Variants in ERBB2 observed in about 807,000 individuals in gnomAD.
ERBB2 encodes the protein receptor tyrosine-protein kinase erbB-2.
ERBB2 carries 61 observed loss-of-function variants against 149.0 expected under a neutral mutation model. That is an observed-to-expected ratio of 0.41 (90% CI 0.33 to 0.51). The LOEUF (loss-of-function observed/expected upper bound fraction) is 0.51. Ranked by LOEUF, ERBB2 falls within the 20% of genes least tolerant of loss-of-function variation. The pLI is 0.25. For synonymous variants in ERBB2, 633 were observed against 678.8 expected, an observed-to-expected ratio of 0.93 and a Z score of 1.05; for missense variants, 1,205 against 1,655.1, an observed-to-expected ratio of 0.73 and a Z score of 4.72.
intron 9 of ERBB2, 95 bp downstream of exon 9, chr17:39,712,543 G>C: frequency 7.0e-7 from 1 of 1,428,184 alleles, no homozygotes; most frequent in Non-Finnish European, 9.6e-7. Flanking sequence ...GCAGGAGACA[G>C]AAGTGGGGGG....
At chr17:39,717,794 C>CACACACACACACACACAA (rs572188512) in intron 15 of ERBB2, 184 of 160,976 alleles carry the variant, frequency 1.1e-3, no homozygotes, top group African/African-American at 4.4e-3. Context: ...CATTTTAACA[C>CACACACACACACACACAA]ACACACACAC....
intron 16 of ERBB2, among the ~76,000 whole-genome samples, chr17:39,721,923 TATTA>T (rs1168249811): frequency 1.3e-5 from 2 of 152,168 alleles, no homozygotes; most frequent in East Asian, 3.9e-4. Context: ...TTTATTTATT[TATTA>T]TTTATTTTGA....
In ERBB2 at chr17:39,727,467, G is replaced by A. The variant is rs763276772; in HGVS notation, c.3332G>A (p.Arg1111Gln). 2.8e-5 allele frequency: 45 copies of A among 1,608,594 alleles called. No homozygotes were observed. Among genetic ancestry groups the A allele is most frequent in the African/African-American group, 5.4e-5 (4 of 74,564 alleles). Residue 1111 changes from arginine to glutamine, a missense_variant, in exon 26 of 27, where the codon CGG (arginine) becomes CAG (glutamine). Arg to Gln is a conservative substitution (Grantham distance 43). Transcript: ENST00000269571. The surrounding 1 kb of genome is among the most constrained non-coding windows in gnomAD (Gnocchi z 4.3). ...LPTHDPSPLQ[R>Q]YSEDPTVPLP... Reference sequence around the variant, plus strand: ...ACACATGACCCCAGCCCTCTACAGCGGTACAGTGAGGACCCCACAGTACCC... The same window carrying A: ...ACACATGACCCCAGCCCTCTACAGCAGTACAGTGAGGACCCCACAGTACCC...
chr17:39,691,279 C>T (rs182525806), upstream of ERBB2, among the ~76,000 whole-genome samples: 50 of 152,002 alleles, frequency 3.3e-4, no homozygotes, highest in Non-Finnish European at 6.5e-4. Context: ...TGCGGTGGCT[C>T]ACATCTGTAA....
chr17:39,723,786 G>A lies in ERBB2; in HGVS notation c.2208+126G>A, dbSNP rs1036527630. 15 of 1,498,206 alleles carry A rather than the reference G, an allele frequency of 1.0e-5. No homozygotes were observed. In the East Asian group the frequency reaches 3.1e-4, roughly 31 times the overall value. 92.8% of individuals were successfully genotyped at this position (1,498,206 alleles called of 1,614,324 possible). ...GTGTTTGGGGGAGGGCAGTTACAGC[G>A]GAGAAGGGAGCGGGGCCAAGCCCTA... On this transcript the variant is annotated intron_variant, in intron 18 of 26. Transcript: ENST00000269571. This position sits in a 1 kb window ranked among gnomAD's most constrained non-coding sequence, Gnocchi z 6.2.
intron 2 of ERBB2, chr17:39,707,670 G>A (rs1239465949): frequency 6.5e-6 from 1 of 153,186 alleles, no homozygotes; most frequent in Non-Finnish European, 1.5e-5. Context: ...CGTGTCCACA[G>A]ACCCTGGAAT....
intron 16 of ERBB2, among the ~76,000 whole-genome samples, chr17:39,721,323 T>C (rs1023071634): frequency 6.9e-6 from 1 of 145,046 alleles, no homozygotes; most frequent in Non-Finnish European, 1.5e-5. Context: ...TGGAGTGCAA[T>C]GACACGATCT....
upstream of ERBB2, among the ~76,000 whole-genome samples, chr17:39,694,216 AAAAAAAAAAAATATATATATAT>A (rs2057782336): frequency 2.0e-5 from 1 of 50,242 alleles, no homozygotes; most frequent in Non-Finnish European, 3.3e-5. Context: ...AAAAAAAAAA[AAAAAAAAAAAATATATATATAT>A]ATATATATAT....
At chr17:39,701,275 C>T (rs1347720298) in intron 1 of ERBB2, among the ~76,000 whole-genome samples, 1 of 152,112 alleles carries the variant, frequency 6.6e-6, no homozygotes, top group Non-Finnish European at 1.5e-5. Context: ...TGCATGCATT[C>T]TCCTTTAATC....
chr17:39,709,990 C>G, intron 5 of ERBB2, 96 bp from the exon 6 acceptor site: 1 of 1,495,162 alleles, frequency 6.7e-7, no homozygotes, highest in Non-Finnish European at 9.3e-7. Context: ...CTTGGGATGT[C>G]TCCCCTGGGC....
At chr17:39,717,532 T>A in intron 15 of ERBB2, 52 bp downstream of exon 15, 1 of 1,502,542 alleles carries the variant, frequency 6.7e-7, no homozygotes. Context: ...TTCAGGGGTC[T>A]TTCTGGGGCT....
In ERBB2 at chr17:39,728,185, C is replaced by T; in HGVS notation, c.*141C>T. 1.7e-6 allele frequency: 1 copy of T among 604,290 alleles called. No individual in the cohort carries two copies. Among genetic ancestry groups the T allele is most frequent in the Non-Finnish European group, 2.8e-6 (1 of 351,412 alleles). The allele number at this position is 604,290 out of a possible 1,614,324, so 37.4% of individuals were successfully genotyped here. A position where few individuals can be genotyped will look rare whatever the true frequency, so the allele number is the denominator to read the frequency against. ...CATGCCAGGAACCTGTCCTAAGGAA[C>T]CTTCCTTCCTGCTTGAGTTCCCAGA... On this transcript the variant is annotated 3_prime_UTR_variant, in exon 27 of 27. Coordinates refer to ENST00000269571, the MANE Select transcript of ERBB2 (RefSeq NM_004448.4).
chr17:39,691,556 A>AAAAAAAAAAAAAAAAAAATATATATAT (rs573116217), upstream of ERBB2, among the ~76,000 whole-genome samples: 1 of 84,182 alleles, frequency 1.2e-5, no homozygotes, highest in Non-Finnish European at 2.5e-5. Context: ...TAAAAAAAAA[A>AAAAAAAAAAAAAAAAAAATATATATAT]ATATATATAT....
rs2058651547 is a variant in ERBB2 at position 39,709,250 on chromosome 17, G to A, written c.440-68G>A. ...GGCCTGCTCCTCTTTTAGAAGGCAG[G>A]AGGGCCCCAAGGGAAGCAGAAGGTG... On this transcript the variant is annotated intron_variant, in intron 3 of 26. Coordinates refer to ENST00000269571, the MANE Select transcript of ERBB2 (RefSeq NM_004448.4). The A allele has an allele frequency of 3.2e-6, 5 of 1,584,856 alleles. No homozygotes were observed. In the East Asian group the frequency reaches 1.1e-4, roughly 36 times the overall value.
upstream of ERBB2, among the ~76,000 whole-genome samples, chr17:39,691,029 T>G (rs1597837074): frequency 7.7e-6 from 1 of 130,158 alleles, no homozygotes; most frequent in African/African-American, 2.9e-5. Flanking sequence ...AGAGCAAAAC[T>G]CCGTTTCAAA....
At chr17:39,691,934 C>CATATACATATACATATACATAT (rs564472045), upstream of ERBB2, among the ~76,000 whole-genome samples, 2 of 120,884 alleles carry the variant, frequency 1.7e-5, no homozygotes, top group Non-Finnish European at 1.6e-5. Context: ...TATACATATA[C>CATATACATATACATATACATAT]ATATATATAT....
chr17:39,726,467 G>C lies in ERBB2; in HGVS notation c.2873-95G>C. On this transcript the variant is annotated intron_variant, in intron 23 of 26. Transcript: ENST00000269571. The surrounding 1 kb of genome is among the most constrained non-coding windows in gnomAD (Gnocchi z 5.1). The stretch of plus-strand genomic sequence containing the variant: ...CCTGAGGGCTTTGGGCTGTCCCTTG[G>C]GACTGTCTAGACCAGACTGGAGGGG... The C allele has an allele frequency of 9.8e-7, 1 of 1,022,244 alleles. No homozygotes were observed. Among genetic ancestry groups the C allele is most frequent in the Non-Finnish European group, 1.5e-6 (1 of 658,264 alleles). 63.3% of individuals were successfully genotyped at this position (1,022,244 alleles called of 1,614,324 possible).
intron 7 of ERBB2, 106 bp from the exon 8 acceptor site, chr17:39,711,822 T>C (rs2058813909): frequency 1.5e-6 from 2 of 1,363,078 alleles, no homozygotes; most frequent in South Asian, 1.2e-5. Flanking sequence ...GTAGGGCATT[T>C]AAGTATTGGT....
At chr17:39,697,952 A>G (rs150887568), upstream of ERBB2, among the ~76,000 whole-genome samples, 379 of 152,064 alleles carry the variant, frequency 2.5e-3, no homozygotes, top group Non-Finnish European at 4.3e-3. Flanking sequence ...TTGGCCTCCC[A>G]AAGTGCTGGG....
Sources: gnomAD v4.1 joint callset for allele counts (sites outside exome capture counted in the v4.1 genomes callset) on GRCh38, gnomAD v4.1.1 for gene constraint, Gnocchi (gnomAD v3.1) non-coding constraint, MANE v1.5 for transcripts, NCBI Gene and HGNC (gene_info 2026-07-23, HGNC 2026-07-21) for gene names.